GTF2A1: variants seen among roughly 807,000 people sequenced by gnomAD.
GTF2A1 encodes general transcription factor IIA subunit 1.
A neutral mutation model predicts 54.1 loss-of-function variants in GTF2A1; 12 were observed. The ratio of observed to expected loss-of-function variants is 0.22; its 90% CI spans 0.14 to 0.36. The LOEUF (loss-of-function observed/expected upper bound fraction) is 0.36. GTF2A1 is among the 10% of genes least tolerant of loss of function. The pLI, the probability that GTF2A1 is intolerant of heterozygous loss-of-function variation, is 1.00. For synonymous variants in GTF2A1, 145 were observed against 152.0 expected (o/e 0.95, Z 0.34); for missense variants, 335 against 442.2 (o/e 0.76, Z 2.17).
At position 81,179,558 on chromosome 14, in the gene GTF2A1, A is replaced by C. The variant is rs1892596973; in HGVS notation, c.*665T>G. Reference sequence around the variant, plus strand: ...CTTTAATTACATTTAATAAGTATGAAAACCTAATTAAAATAAATATTCATT... The same window carrying C: ...CTTTAATTACATTTAATAAGTATGACAACCTAATTAAAATAAATATTCATT... On this transcript the variant is annotated 3_prime_UTR_variant, in exon 9 of 9. Transcript: ENST00000553612. 6.6e-6 allele frequency: 1 copy of C among 152,236 alleles called. No individual in the cohort carries two copies. The highest frequency in any genetic ancestry group is 1.5e-5 in the Non-Finnish European group (1 of 68,040). The allele number at this position is 152,236 out of a possible 1,614,324, so 9.4% of individuals were successfully genotyped here.
chr14:81,195,632 G>GAAAA (rs34366586), intron 6 of GTF2A1, among the ~76,000 whole-genome samples: 1 of 118,548 alleles, frequency 8.4e-6, no homozygotes, highest in African/African-American at 3.3e-5. Context: ...ACTCTGTCTC[G>GAAAA]AAAAAAAAAA....
At chr14:81,203,612 A>G (rs1566858082) in intron 3 of GTF2A1, among the ~76,000 whole-genome samples, 1 of 152,236 alleles carries the variant, frequency 6.6e-6, no homozygotes, top group African/African-American at 2.4e-5. Flanking sequence ...AAATATTAAT[A>G]TAACTTCTCT....
intron 4 of GTF2A1, 22 bp from the exon 5 acceptor site, chr14:81,197,506 T>C (rs1356547518): frequency 7.5e-7 from 1 of 1,337,986 alleles, no homozygotes; most frequent in Non-Finnish European, 1.1e-6. Flanking sequence ...AAAGAAAAAA[T>C]ATCAAAACCA....
chr14:81,203,834 TTC>T (rs1893167375), intron 3 of GTF2A1, 64 bp downstream of exon 3: 1 of 1,357,024 alleles, frequency 7.4e-7, no homozygotes, highest in African/African-American at 1.4e-5. Context: ...TGCAGAATAT[TTC>T]TCTTCTTTCA....
chr14:81,215,761 C>T (rs79881568), intron 2 of GTF2A1, among the ~76,000 whole-genome samples: 1,657 of 152,208 alleles, frequency 0.011, 40 homozygotes, highest in African/African-American at 0.038. Context: ...TAAGGCTGGG[C>T]GCTGTGGCTC....
chr14:81,204,427 A>C (rs1893185720), intron 2 of GTF2A1: 1 of 377,036 alleles, frequency 2.7e-6, no homozygotes, highest in Admixed American at 4.1e-5. Context: ...TAGTAATCAA[A>C]GATTATCCTT....
intron 8 of GTF2A1, among the ~76,000 whole-genome samples, chr14:81,184,063 C>T (rs1892690336): frequency 6.6e-6 from 1 of 152,208 alleles, no homozygotes; most frequent in Non-Finnish European, 1.5e-5. Flanking sequence ...CCATTTAGAG[C>T]TATCTCCCAC....
chr14:81,213,221 ATT>A (rs1213034067), intron 2 of GTF2A1, among the ~76,000 whole-genome samples: 2 of 152,188 alleles, frequency 1.3e-5, no homozygotes, highest in African/African-American at 4.8e-5. Context: ...AGTAGGTCAC[ATT>A]TTTTGTCATT....
intron 8 of GTF2A1, among the ~76,000 whole-genome samples, chr14:81,182,044 C>A (rs180814133): frequency 1.3e-5 from 2 of 152,068 alleles, no homozygotes; most frequent in Non-Finnish European, 2.9e-5. Context: ...TTTACCCTTA[C>A]GGAAATCTGC....
intron 7 of GTF2A1, among the ~76,000 whole-genome samples, chr14:81,188,935 C>T (rs921263177): frequency 3.9e-5 from 6 of 152,220 alleles, no homozygotes; most frequent in South Asian, 2.1e-4. Flanking sequence ...CTTTTGCATG[C>T]GGATATCTAA....
rs1893623345 is a variant in GTF2A1 at position 81,220,819 on chromosome 14, C to G, written c.-301G>C. On this transcript the variant is annotated 5_prime_UTR_variant, in exon 1 of 9. Transcript: ENST00000553612. Reference sequence around the variant, plus strand: ...CACCCCGCGCCAAGGAGGGAAACCACCACCGGTCACCGCTCCCTGCGCCGC... The same window carrying G: ...CACCCCGCGCCAAGGAGGGAAACCAGCACCGGTCACCGCTCCCTGCGCCGC... The G allele has an allele frequency of 9.2e-6, 3 of 325,554 alleles. No individual in the cohort carries two copies. The allele number at this position is 325,554 out of a possible 1,614,324, so 20.2% of individuals were successfully genotyped here.
intron 6 of GTF2A1, 108 bp from the exon 7 acceptor site, chr14:81,192,947 C>T (rs941984360): frequency 2.9e-6 from 2 of 696,718 alleles, no homozygotes; most frequent in Non-Finnish European, 2.5e-6. Context: ...ATATTTCATA[C>T]ACAGTTAAAA....
At chr14:81,188,387 CAAACAAAAACAA>C (rs979241569) in intron 7 of GTF2A1, among the ~76,000 whole-genome samples, 1 of 151,896 alleles carries the variant, frequency 6.6e-6, no homozygotes, top group Non-Finnish European at 1.5e-5. Flanking sequence ...GATTCTGTCT[CAAACAAAAACAA>C]AAACAAAAAC....
intron 7 of GTF2A1, among the ~76,000 whole-genome samples, chr14:81,189,271 C>A (rs1184133155): frequency 1.3e-5 from 2 of 152,132 alleles, no homozygotes; most frequent in African/African-American, 4.8e-5. Context: ...CTTACATGCA[C>A]CTGTTTTGAG....
intron 2 of GTF2A1, among the ~76,000 whole-genome samples, chr14:81,205,622 C>A (rs1305474099): frequency 1.3e-5 from 2 of 152,314 alleles, no homozygotes; most frequent in East Asian, 3.9e-4. Flanking sequence ...AAGTCAGGAA[C>A]CCAGTTAGTC....
intron 7 of GTF2A1, among the ~76,000 whole-genome samples, chr14:81,192,097 A>C (rs938079573): frequency 6.6e-6 from 1 of 152,178 alleles, no homozygotes; most frequent in Non-Finnish European, 1.5e-5. Flanking sequence ...ATATTTAATA[A>C]ATTTGTGACA....
Position 81,220,694 on chromosome 14 carries a change from AGGGGG to A in GTF2A1, c.-181_-177del. 6 of 253,564 alleles carry A rather than the reference AGGGGG, an allele frequency of 2.4e-5. No homozygotes were observed. Among genetic ancestry groups the A allele is most frequent in the East Asian group, 6.4e-5 (1 of 15,526 alleles). 15.7% of individuals were successfully genotyped at this position (253,564 alleles called of 1,614,324 possible). A position where few individuals can be genotyped will look rare whatever the true frequency, so the allele number is the denominator to read the frequency against. On this transcript the variant is annotated 5_prime_UTR_variant, in exon 1 of 9. Coordinates refer to ENST00000553612, the MANE Select transcript of GTF2A1 (RefSeq NM_015859.4). The stretch of plus-strand genomic sequence containing the variant: ...AGGGGAGAGCGGAGAGAGGAGGAGG[AGGGGG>A]GCACTCCTCCCGCAGCTGAAAACCT...
At position 81,175,782 on chromosome 14, in the gene GTF2A1, CTTA is replaced by C. The variant is rs1332519573; in HGVS notation, c.*4438_*4440del. 4 of 152,006 alleles carry C rather than the reference CTTA, an allele frequency of 2.6e-5. No homozygotes were observed. Among genetic ancestry groups the C allele is most frequent in the Non-Finnish European group, 5.9e-5 (4 of 67,970 alleles). The allele number at this position is 152,006 out of a possible 1,614,324, so 9.4% of individuals were successfully genotyped here. On this transcript the variant is annotated 3_prime_UTR_variant, in exon 9 of 9. Transcript: ENST00000553612. ...TAATCTATACTTTGGAGTAGAAATA[CTTA>C]TTTAATACAATATGTTAATTATTAA...
Position 81,206,849 on chromosome 14 carries a change from C to T in GTF2A1, c.133-2745G>A, listed in dbSNP as rs190728929. Among the ~76,000 whole-genome samples, 152 of 152,062 alleles carry T rather than the reference C, an allele frequency of 1.0e-3. 1 individual carries two copies. Among genetic ancestry groups the T allele is most frequent in the African/African-American group, 3.5e-3 (145 of 41,464 alleles). On this transcript the variant is annotated intron_variant, in intron 2 of 8. Coordinates refer to ENST00000553612, the MANE Select transcript of GTF2A1 (RefSeq NM_015859.4). The stretch of plus-strand genomic sequence containing the variant: ...TTCCCCTTCTCCCTCCCTCTCTCCA[C>T]TAAGAATGTTTTTTGTAAACAAAAT...
Sources: gnomAD v4.1 joint callset for allele counts (sites outside exome capture counted in the v4.1 genomes callset) on GRCh38, gnomAD v4.1.1 for gene constraint, MANE v1.5 for transcripts, NCBI Gene and HGNC (gene_info 2026-07-23, HGNC 2026-07-21) for gene names.